Variants in MYO16 observed in about 807,000 individuals in gnomAD.
MYO16 encodes unconventional myosin-XVI.
In MYO16, 94 loss-of-function variants were observed where a neutral mutation model predicts 205.3. The observed-to-expected ratio is 0.46, with a 90% CI of 0.39 to 0.54. The LOEUF is 0.54. MYO16 is among the 20% of genes least tolerant of loss of function. MYO16 has a pLI of 0.00. For missense variants in MYO16, 2,315 were observed against 2,387.5 expected (o/e 0.97, Z 0.63); for synonymous variants, 988 against 954.0 (o/e 1.04, Z -0.66).
At chr13:109,201,657 T>G (rs1880400656) in intron 34 of MYO16, among the ~76,000 whole-genome samples, 2 of 152,124 alleles carry the variant, frequency 1.3e-5, no homozygotes, top group Admixed American at 1.3e-4. Context: ...GTTACATGAG[T>G]AAGTTCTTTA....
chr13:109,052,335 T>A lies in MYO16; in HGVS notation c.2908T>A (p.Ser970Thr). 1.9e-6 allele frequency: 3 copies of A among 1,613,402 alleles called. No individual in the cohort carries two copies. In the East Asian group the frequency reaches 6.7e-5, roughly 36 times the overall value. The stretch of plus-strand genomic sequence containing the variant: ...TGTCGTGATCAATCATTTGTTCCAG[T>A]CGAAATTGTCACAAACAGGATCCCT... ...ENVVINHLFQ[S>T]KLSQTGSLVS... Residue 970 changes from serine to threonine, a missense_variant, in exon 25 of 35, where the codon TCG becomes ACG. By Grantham distance (58) the Ser-to-Thr change is moderately conservative. Coordinates refer to ENST00000457511, the MANE Select transcript of MYO16 (RefSeq NM_001198950.3).
At chr13:108,639,961 G>T (rs1317393750) in intron 1 of MYO16, among the ~76,000 whole-genome samples, 1 of 152,208 alleles carries the variant, frequency 6.6e-6, no homozygotes, top group Non-Finnish European at 1.5e-5. Flanking sequence ...GTTTCAGATG[G>T]GAAGAGCAGG....
the MYO16 span, among the ~76,000 whole-genome samples, chr13:108,556,405 A>T: frequency 1.1e-4 from 17 of 151,894 alleles, no homozygotes; most frequent in Admixed American, 1.0e-3. Flanking sequence ...TTTTTTTTGT[A>T]TACCCGTTGG....
intron 28 of MYO16, among the ~76,000 whole-genome samples, chr13:109,112,354 T>C (rs1029089890): frequency 3.9e-5 from 6 of 152,288 alleles, no homozygotes; most frequent in African/African-American, 1.4e-4. Context: ...ATATCAGAGG[T>C]GATGGCACTG....
intron 23 of MYO16, among the ~76,000 whole-genome samples, chr13:109,036,335 T>C (rs1364397691): frequency 6.6e-6 from 1 of 152,242 alleles, no homozygotes; most frequent in Non-Finnish European, 1.5e-5. Flanking sequence ...GGTTTGGCAC[T>C]TTGTAACTTT....
the MYO16 span, among the ~76,000 whole-genome samples, chr13:108,566,781 G>T: frequency 7.1e-6 from 1 of 141,758 alleles, no homozygotes; most frequent in Non-Finnish European, 1.5e-5. Flanking sequence ...AAGGAAGGAA[G>T]GAAGGAAAGA....
At chr13:108,916,061 AGG>A (rs1172493839) in intron 16 of MYO16, among the ~76,000 whole-genome samples, 282 of 152,338 alleles carry the variant, frequency 1.9e-3, no homozygotes, top group Admixed American at 3.3e-3. Context: ...TACTATTTGG[AGG>A]TGAGTCTTCA....
chr13:109,179,293 T>G (rs561346553), intron 33 of MYO16, among the ~76,000 whole-genome samples: 1 of 152,338 alleles, frequency 6.6e-6, no homozygotes, highest in African/African-American at 2.4e-5. Context: ...TTTTGTGCTA[T>G]TATCACATAT....
At chr13:108,569,670 G>A in the MYO16 span, among the ~76,000 whole-genome samples, 5 of 152,000 alleles carry the variant, frequency 3.3e-5, no homozygotes, top group Admixed American at 6.6e-5. Context: ...GGCTGGAAAC[G>A]CCCTTCAAAT....
intron 9 of MYO16, among the ~76,000 whole-genome samples, chr13:108,836,683 G>A (rs1369606777): frequency 6.6e-6 from 1 of 152,220 alleles, no homozygotes; most frequent in Non-Finnish European, 1.5e-5. Context: ...TAACCTGGAT[G>A]TGAGACGTGG....
chr13:109,055,571 T>C lies in MYO16; in HGVS notation c.3311T>C (p.Leu1104Pro), dbSNP rs1161658962. The C allele has an allele frequency of 6.2e-7, 1 of 1,611,528 alleles. No individual in the cohort carries two copies. Among genetic ancestry groups the C allele is most frequent in the Non-Finnish European group, 8.5e-7 (1 of 1,179,230 alleles). ...TTCCGATATGGATACCCTGTTCGCC[T>C]TTCCTTCTCGGATTTCCTGTCAAGG... ...KIFRYGYPVR[L>P]SFSDFLSRYK... The change falls in exon 27 of 35, where the codon CTT becomes CCT. Residue 1104 changes from leucine (L) to proline (P), a missense_variant. By Grantham distance (98) the Leu-to-Pro change is moderately conservative. Coordinates refer to ENST00000457511, the MANE Select transcript of MYO16 (RefSeq NM_001198950.3). This position sits in a 1 kb window ranked among gnomAD's most constrained non-coding sequence, Gnocchi z 5.0.
chr13:109,195,813 G>A (rs1240429705), intron 34 of MYO16, among the ~76,000 whole-genome samples: 1 of 151,872 alleles, frequency 6.6e-6, no homozygotes, highest in African/African-American at 2.4e-5. Context: ...GTTAAAAATC[G>A]GTAGCAAATT....
At chr13:109,047,134 TG>T in intron 24 of MYO16, 143 bp downstream of exon 24, 2 of 628,628 alleles carry the variant, frequency 3.2e-6, no homozygotes, top group Non-Finnish European at 5.5e-6. Flanking sequence ...CCCAGACTAA[TG>T]AGAAATGGGT....
chr13:108,558,186 T>G, the MYO16 span, among the ~76,000 whole-genome samples: 4 of 152,228 alleles, frequency 2.6e-5, no homozygotes, highest in South Asian at 6.2e-4. Flanking sequence ...TTCAGACACA[T>G]GCAGATTCTC....
At chr13:108,700,829 A>C (rs1594220472) in intron 2 of MYO16, among the ~76,000 whole-genome samples, 1 of 152,198 alleles carries the variant, frequency 6.6e-6, no homozygotes, top group Admixed American at 6.5e-5. Context: ...CTCAGGAACT[A>C]GAAGGCTATG....
intron 33 of MYO16, among the ~76,000 whole-genome samples, chr13:109,177,038 C>T (rs891503000): frequency 2.0e-5 from 3 of 152,198 alleles, no homozygotes; most frequent in Non-Finnish European, 4.4e-5. Flanking sequence ...CACATTTCCG[C>T]GAAGCGTCCT....
chr13:109,116,754 T>C (rs9559500), intron 28 of MYO16, among the ~76,000 whole-genome samples: 28,085 of 152,162 alleles, frequency 0.18, 2,698 homozygotes, highest in East Asian at 0.26. Context: ...AGCTAGTTCC[T>C]GGTTCCCCAG....
At chr13:108,989,281 G>T (rs1733296146) in intron 20 of MYO16, among the ~76,000 whole-genome samples, 2 of 151,982 alleles carry the variant, frequency 1.3e-5, no homozygotes, top group African/African-American at 4.8e-5. Flanking sequence ...GATTAATGTT[G>T]TTCATGAACA....
At chr13:108,822,114 G>C (rs1205729733) in intron 8 of MYO16, among the ~76,000 whole-genome samples, 1 of 152,020 alleles carries the variant, frequency 6.6e-6, no homozygotes, top group Admixed American at 6.6e-5. Flanking sequence ...GCAAATGAAA[G>C]TCGTCATCAG....
Sources: gnomAD v4.1 joint callset for allele counts (sites outside exome capture counted in the v4.1 genomes callset) on GRCh38, gnomAD v4.1.1 for gene constraint, Gnocchi (gnomAD v3.1) non-coding constraint, MANE v1.5 for transcripts, NCBI Gene and HGNC (gene_info 2026-07-23, HGNC 2026-07-21) for gene names.